Variants in NEBL observed in about 807,000 individuals in gnomAD.
NEBL encodes LIM and SH3 protein 2.
NEBL carries 122 observed loss-of-function variants against 140.2 expected under a neutral mutation model. That is an observed-to-expected ratio of 0.87 (90% CI 0.75 to 1.01). The LOEUF is 1.01. Ranked by LOEUF, NEBL falls within the 50% of genes least tolerant of loss-of-function variation. The pLI is 0.00. For synonymous variants in NEBL, 436 were observed against 398.9 expected, an observed-to-expected ratio of 1.09 and a Z score of -1.11; for missense variants, 1,365 against 1,231.3, an observed-to-expected ratio of 1.11 and a Z score of -1.62.
At chr10:20,798,478 T>A (rs550496258) in intron 26 of NEBL, among the ~76,000 whole-genome samples, 1 of 152,322 alleles carries the variant, frequency 6.6e-6, no homozygotes, top group South Asian at 2.1e-4. Flanking sequence ...AGTATGCATA[T>A]CTGTTCAGTC....
chr10:21,086,942 A>G (rs1282462463), intron 2 of NEBL, among the ~76,000 whole-genome samples: 1 of 152,112 alleles, frequency 6.6e-6, no homozygotes, highest in East Asian at 1.9e-4. Context: ...CCCCAACACC[A>G]ATCCCAATCA....
At chr10:21,191,043 G>A (rs1841565576) in intron 3 of NEBL, among the ~76,000 whole-genome samples, 1 of 152,138 alleles carries the variant, frequency 6.6e-6, no homozygotes, top group Non-Finnish European at 1.5e-5. Context: ...AATGCCTGAA[G>A]TATTTTTTAT....
At chr10:21,224,138 T>C (rs563301886) in intron 3 of NEBL, among the ~76,000 whole-genome samples, 1 of 152,326 alleles carries the variant, frequency 6.6e-6, no homozygotes, top group South Asian at 2.1e-4. Context: ...AGTAGTTTCA[T>C]AGTTAGAGAG....
intron 2 of NEBL, among the ~76,000 whole-genome samples, chr10:21,048,922 A>T (rs894911982): frequency 3.3e-5 from 5 of 152,146 alleles, no homozygotes; most frequent in Non-Finnish European, 5.9e-5. Flanking sequence ...GGCAGGGAGA[A>T]TTGCTTGAAC....
chr10:21,126,956 C>G (rs1479722802), intron 2 of NEBL, among the ~76,000 whole-genome samples: 5 of 125,394 alleles, frequency 4.0e-5, no homozygotes, highest in African/African-American at 1.6e-4. Context: ...GCCTGGGTGA[C>G]AGAGGGAGAC....
intron 2 of NEBL, among the ~76,000 whole-genome samples, chr10:21,027,306 A>G (rs1382079872): frequency 6.8e-6 from 1 of 146,622 alleles, no homozygotes; most frequent in African/African-American, 2.4e-5. Context: ...ATCTTTAAAA[A>G]AAAAACAACA....
chr10:21,094,306 T>C (rs977087659), intron 2 of NEBL, among the ~76,000 whole-genome samples: 19 of 151,788 alleles, frequency 1.3e-4, no homozygotes, highest in Non-Finnish European at 2.8e-4. Context: ...ATCGAGACCA[T>C]CCTGGCTAAT....
intron 2 of NEBL, among the ~76,000 whole-genome samples, chr10:21,069,255 T>C (rs934365278): frequency 6.6e-6 from 1 of 152,192 alleles, no homozygotes; most frequent in Admixed American, 6.5e-5. Flanking sequence ...TGGTTGCCCT[T>C]AGGCCCCTTG....
chr10:21,130,944 A>G (rs1304455558), intron 2 of NEBL, among the ~76,000 whole-genome samples: 1 of 152,078 alleles, frequency 6.6e-6, no homozygotes, highest in African/African-American at 2.4e-5. Flanking sequence ...AAAAATGTCA[A>G]TGAAACCAAA....
chr10:21,022,750 C>A (rs977813328), intron 2 of NEBL, among the ~76,000 whole-genome samples: 5 of 152,114 alleles, frequency 3.3e-5, no homozygotes, highest in African/African-American at 1.2e-4. Flanking sequence ...AGGTAAATAA[C>A]CCAAATCATA....
intron 2 of NEBL, among the ~76,000 whole-genome samples, chr10:21,092,642 G>C (rs1836975686): frequency 6.6e-6 from 1 of 150,376 alleles, no homozygotes; most frequent in East Asian, 1.9e-4. Context: ...CTCACCACCA[G>C]AGTAGCACCT....
chr10:21,005,098 A>G (rs1435568120), intron 3 of NEBL, among the ~76,000 whole-genome samples: 1 of 152,200 alleles, frequency 6.6e-6, no homozygotes, highest in African/African-American at 2.4e-5. Flanking sequence ...TCACAACCAA[A>G]TAAACAGACA....
At chr10:21,000,844 TC>T (rs1378149457) in intron 3 of NEBL, among the ~76,000 whole-genome samples, 1 of 151,816 alleles carries the variant, frequency 6.6e-6, no homozygotes, top group Admixed American at 6.6e-5. Context: ...TGGAGAGAAA[TC>T]AAGTGCATTG....
intron 4 of NEBL, among the ~76,000 whole-genome samples, chr10:20,884,011 G>A (rs1428597249): frequency 6.6e-6 from 1 of 152,028 alleles, no homozygotes; most frequent in Non-Finnish European, 1.5e-5. Flanking sequence ...ATTATTGTAT[G>A]GTATTTCCCT....
intron 3 of NEBL, among the ~76,000 whole-genome samples, chr10:21,006,529 T>A (rs1458594402): frequency 6.6e-6 from 1 of 152,246 alleles, no homozygotes; most frequent in Non-Finnish European, 1.5e-5. Context: ...TCCCTGTTCC[T>A]TCCCTTGGCC....
intron 12 of NEBL, among the ~76,000 whole-genome samples, chr10:20,841,129 A>G (rs931890874): frequency 2.6e-5 from 4 of 151,962 alleles, no homozygotes; most frequent in African/African-American, 9.7e-5. Flanking sequence ...TTCTCTTTCA[A>G]TGGTGAGGAA....
intron 2 of NEBL, among the ~76,000 whole-genome samples, chr10:21,024,629 C>T (rs72790573): frequency 0.11 from 16,909 of 152,040 alleles, 1,144 homozygotes; most frequent in African/African-American, 0.18. Flanking sequence ...CTGCCTTATA[C>T]TGAAAATGAA....
intron 2 of NEBL, among the ~76,000 whole-genome samples, chr10:21,035,014 C>T (rs545705960): frequency 2.8e-3 from 424 of 151,604 alleles, no homozygotes; most frequent in Non-Finnish European, 4.1e-3. Flanking sequence ...CACTCCATTG[C>T]CCAGGCTGGA....
intron 3 of NEBL, among the ~76,000 whole-genome samples, chr10:21,205,255 A>G (rs1841808123): frequency 6.6e-6 from 1 of 152,246 alleles, no homozygotes; most frequent in South Asian, 2.1e-4. Context: ...ATGTGTAGCA[A>G]AAGCCTTAAC....
Sources: gnomAD v4.1 joint callset for allele counts (sites outside exome capture counted in the v4.1 genomes callset) on GRCh38, gnomAD v4.1.1 for gene constraint, MANE v1.5 for transcripts, NCBI Gene and HGNC (gene_info 2026-07-23, HGNC 2026-07-21) for gene names.